CTTN: variants seen among roughly 807,000 people sequenced by gnomAD.
CTTN encodes the protein cortactin, also known as src substrate cortactin.
CTTN carries 28 observed loss-of-function variants against 84.0 expected under a neutral mutation model. That is an observed-to-expected ratio of 0.33 (90% CI 0.25 to 0.46). The LOEUF is 0.46. CTTN is among the 20% of genes least tolerant of loss of function. The pLI is 1.00. For missense variants in CTTN, 641 were observed against 723.8 expected (o/e 0.89, Z 1.31); for synonymous variants, 301 against 288.8 (o/e 1.04, Z -0.43).
rs2058409075 is a variant in CTTN at position 70,435,594 on chromosome 11, G to T, written c.*432G>T. ...CGGGTAGGCAGGAAGGACTGTCCCA[G>T]ACGAGGGGCTTCCTCTAGAGTCTCA... On this transcript the variant is annotated 3_prime_UTR_variant, in exon 18 of 18. Coordinates refer to ENST00000301843, the MANE Select transcript of CTTN (RefSeq NM_005231.4). 5 of 1,576,634 alleles carry T rather than the reference G, an allele frequency of 3.2e-6. No individual in the cohort carries two copies. Among genetic ancestry groups the T allele is most frequent in the Non-Finnish European group, 3.4e-6 (4 of 1,168,682 alleles).
intron 8 of CTTN, among the ~76,000 whole-genome samples, chr11:70,418,242 G>A (rs781177290): frequency 1.2e-4 from 18 of 152,202 alleles, no homozygotes; most frequent in Non-Finnish European, 2.4e-4. Context: ...GTAGTTTGTC[G>A]CGGCCTGGCC....
intron 7 of CTTN, 125 bp downstream of exon 7, chr11:70,415,842 C>G: frequency 1.1e-6 from 1 of 886,832 alleles, no homozygotes; most frequent in Non-Finnish European, 1.9e-6. Context: ...CACCTGAAGC[C>G]GTTTCCTGAG....
In CTTN at chr11:70,421,490, G is replaced by A. The variant is rs985414480; in HGVS notation, c.811G>A (p.Gly271Ser). 7.4e-6 allele frequency: 12 copies of A among 1,613,598 alleles called. No homozygotes were observed. The highest frequency in any genetic ancestry group is 4.0e-5 in the African/African-American group (3 of 74,890). The change falls in exon 11 of 18, where the codon GGC becomes AGC. Residue 271 changes from glycine to serine, a missense_variant. Physicochemically the swap from Gly to Ser is moderately conservative, Grantham distance 56 (BLOSUM62 0). Coordinates refer to ENST00000301843, the MANE Select transcript of CTTN (RefSeq NM_005231.4). ...SQKDYKTGFG[G>S]KFGVQSERQD... is the part of the protein sequence containing the mutation. ...TTCAGATTATAAGACTGGTTTTGGA[G>A]GCAAATTCGGTGTTCAGTCGGAGAG...
chr11:70,426,847 G>A (rs747996043), intron 13 of CTTN, among the ~76,000 whole-genome samples: 14 of 151,474 alleles, frequency 9.2e-5, no homozygotes, highest in Admixed American at 3.9e-4. Flanking sequence ...TGATCTGCCC[G>A]CCTCGGCCTC....
At chr11:70,413,290 C>T (rs954064494) in intron 5 of CTTN, among the ~76,000 whole-genome samples, 1 of 152,192 alleles carries the variant, frequency 6.6e-6, no homozygotes, top group Admixed American at 6.5e-5. Context: ...CCCGATGTGC[C>T]GTGGACTTTC....
At chr11:70,433,581 A>C (rs1032086455) in intron 16 of CTTN, 66 bp from the exon 17 acceptor site, 1 of 1,256,508 alleles carries the variant, frequency 8.0e-7, no homozygotes, top group African/African-American at 1.5e-5. Flanking sequence ...GTCGTCTAAA[A>C]CTTGAGAAGG....
Position 70,415,643 on chromosome 11 carries a change from T to C in CTTN, c.403-20T>C, listed in dbSNP as rs1338918558. On this transcript the variant is annotated intron_variant, in intron 6 of 17. Coordinates refer to ENST00000301843, the MANE Select transcript of CTTN (RefSeq NM_005231.4). ...GAAAGTATTTCTCCCCACTTTTTCA[T>C]GTGTTTTTGGTCGTCACAGTCTGCT... 5.0e-6 allele frequency: 8 copies of C among 1,609,130 alleles called. No homozygotes were observed. In the East Asian group the frequency reaches 1.3e-4, roughly 27 times the overall value.
intron 9 of CTTN, 83 bp downstream of exon 9, chr11:70,419,939 C>A: frequency 9.7e-7 from 1 of 1,031,454 alleles, no homozygotes; most frequent in Non-Finnish European, 1.5e-6. Context: ...AAAAACAAAG[C>A]GTTATTGATA....
At position 70,435,379 on chromosome 11, in the gene CTTN, C is replaced by T. The variant is rs1418235417; in HGVS notation, c.*217C>T. 1.4e-6 allele frequency: 2 copies of T among 1,424,132 alleles called. No individual in the cohort carries two copies. Among genetic ancestry groups the T allele is most frequent in the Non-Finnish European group, 1.8e-6 (2 of 1,090,412 alleles). 88.2% of individuals were successfully genotyped at this position (1,424,132 alleles called of 1,614,324 possible). On this transcript the variant is annotated 3_prime_UTR_variant, in exon 18 of 18. Transcript: ENST00000301843. ...ACAGAATTTGCTAATATATTGTAAT[C>T]ACATTCCTTAGGAGGACTTTGGTAA... is the stretch of plus-strand genomic sequence containing the variant.
chr11:70,435,700 A>T lies in CTTN; in HGVS notation c.*538A>T. 6.3e-7 allele frequency: 1 copy of T among 1,597,924 alleles called. No homozygotes were observed. On this transcript the variant is annotated 3_prime_UTR_variant, in exon 18 of 18. Coordinates refer to ENST00000301843, the MANE Select transcript of CTTN (RefSeq NM_005231.4). ...CAGAGCACAGGAGCTGCCATGTCAG[A>T]TGGGAAATCTGCCTATGTCATACCG... is the stretch of plus-strand genomic sequence containing the variant.
At chr11:70,400,616 T>G (rs529803811) in intron 1 of CTTN, among the ~76,000 whole-genome samples, 88 of 152,374 alleles carry the variant, frequency 5.8e-4, no homozygotes, top group Non-Finnish European at 1.0e-3. Context: ...TTTGATGGAC[T>G]TGTTTTTAAA....
Position 70,423,012 on chromosome 11 carries a change from C to T in CTTN, c.957+17C>T, listed in dbSNP as rs373432011. The stretch of plus-strand genomic sequence containing the variant: ...ATGGATAAGGTAAATATTCCAGCCC[C>T]GGAGCTTAGTGTCTTCTGCCTGCAG... On this transcript the variant is annotated intron_variant, in intron 12 of 17. Coordinates refer to ENST00000301843, the MANE Select transcript of CTTN (RefSeq NM_005231.4). The T allele has an allele frequency of 8.1e-6, 13 of 1,613,394 alleles. No homozygotes were observed. Among genetic ancestry groups the T allele is most frequent in the East Asian group, 2.2e-5 (1 of 44,842 alleles).
chr11:70,433,396 C>T, intron 16 of CTTN, 118 bp downstream of exon 16: 1 of 1,100,154 alleles, frequency 9.1e-7, no homozygotes, highest in South Asian at 1.6e-5. Flanking sequence ...CCTTTGCTTG[C>T]TTGCTATAGG....
chr11:70,422,407 A>T, intron 11 of CTTN: 1 of 930,160 alleles, frequency 1.1e-6, no homozygotes, highest in African/African-American at 1.7e-5. Context: ...CCGTGGCATC[A>T]CTGCTGCATG....
intron 12 of CTTN, 89 bp downstream of exon 12, chr11:70,423,084 C>G (rs775004813): frequency 9.5e-6 from 14 of 1,473,228 alleles, no homozygotes; most frequent in Non-Finnish European, 1.3e-5. Flanking sequence ...CATCCACGCG[C>G]TGGGGTGGGG....
chr11:70,406,329 C>T (rs1014888340), intron 2 of CTTN, among the ~76,000 whole-genome samples: 54 of 152,220 alleles, frequency 3.5e-4, no homozygotes, highest in Non-Finnish European at 5.9e-4. Context: ...GGGTTTTGTC[C>T]AGTCCTGATT....
chr11:70,423,764 C>T (rs1349561655), intron 12 of CTTN, among the ~76,000 whole-genome samples: 1 of 152,196 alleles, frequency 6.6e-6, no homozygotes, highest in African/African-American at 2.4e-5. Context: ...CCCCACACAC[C>T]ACAGAGCATT....
intron 11 of CTTN, chr11:70,422,482 C>T: frequency 7.8e-7 from 1 of 1,284,194 alleles, no homozygotes; most frequent in Non-Finnish European, 1.0e-6. Flanking sequence ...AGAATTTCCA[C>T]ATGGATTTTT....
chr11:70,433,510 G>A (rs2058378996), intron 16 of CTTN, 137 bp from the exon 17 acceptor site: 2 of 821,464 alleles, frequency 2.4e-6, no homozygotes, highest in Non-Finnish European at 4.2e-6. Flanking sequence ...GGTGGGCAGG[G>A]GCAGAGGAAG....
Sources: gnomAD v4.1 joint callset for allele counts (sites outside exome capture counted in the v4.1 genomes callset) on GRCh38, gnomAD v4.1.1 for gene constraint, MANE v1.5 for transcripts, NCBI Gene and HGNC (gene_info 2026-07-23, HGNC 2026-07-21) for gene names.